The following COG5 variants were observed in gnomAD, a reference collection of about 807,000 sequenced individuals.
The protein encoded by COG5 is component of oligomeric golgi complex 5, also known as conserved oligomeric Golgi complex subunit 5.
A neutral mutation model predicts 110.4 loss-of-function variants in COG5; 86 were observed. The observed-to-expected ratio is 0.78, with a 90% CI of 0.65 to 0.93. The LOEUF (loss-of-function observed/expected upper bound fraction) is 0.93. Among genes scored for constraint, COG5 ranks in the 40% least tolerant of loss-of-function variants. COG5 has a pLI of 0.00. For synonymous variants in COG5, 360 were observed against 334.6 expected, an observed-to-expected ratio of 1.08 and a Z score of -0.83; for missense variants, 1,077 against 987.0, an observed-to-expected ratio of 1.09 and a Z score of -1.22.
At chr7:107,548,236 A>G in intron 4 of COG5, 42 bp downstream of exon 4, 1 of 1,603,432 alleles carries the variant, frequency 6.2e-7, no homozygotes, top group Non-Finnish European at 8.5e-7. Context: ...CAATGGATAA[A>G]AACATTCCCA....
At chr7:107,529,697 C>T (rs916767880) in intron 5 of COG5, among the ~76,000 whole-genome samples, 4 of 152,194 alleles carry the variant, frequency 2.6e-5, no homozygotes, top group Non-Finnish European at 5.9e-5. Context: ...TCAGTGCCCA[C>T]GTGGGACTCT....
rs1363706117 is a variant in COG5 at position 107,203,575 on chromosome 7, C to G, written c.2431G>C (p.Ala811Pro). 6.2e-7 allele frequency: 1 copy of G among 1,614,116 alleles called. No individual in the cohort carries two copies. Among genetic ancestry groups the G allele is most frequent in the South Asian group, 1.1e-5 (1 of 91,084 alleles). The change falls in exon 22 of 22, where the codon GCA becomes CCA. Residue 811 changes from alanine to proline, a missense_variant. Physicochemically the swap from Ala to Pro is conservative, Grantham distance 27. Transcript: ENST00000297135. ...SVRSREGKEF[A>P]PVYPIMVQLL... is the part of the protein sequence containing the mutation. ...TGAACCATTATGGGATAAACTGGTG[C>G]AAATTCTTTGCCTTCTCTACTTCTC...
At chr7:107,521,810 C>T (rs1395272922) in intron 6 of COG5, among the ~76,000 whole-genome samples, 1 of 152,212 alleles carries the variant, frequency 6.6e-6, no homozygotes, top group African/African-American at 2.4e-5. Flanking sequence ...ATAAATCATT[C>T]TACTGTAAAG....
intron 6 of COG5, chr7:107,475,110 G>A (rs779828103): frequency 6.2e-7 from 1 of 1,611,886 alleles, no homozygotes; most frequent in South Asian, 1.1e-5. Flanking sequence ...AATTAAGATT[G>A]TGTTTTTTAG....
At chr7:107,256,879 T>A in intron 15 of COG5, 85 bp from the exon 16 acceptor site, 1 of 905,498 alleles carries the variant, frequency 1.1e-6, no homozygotes, top group Non-Finnish European at 1.8e-6. Context: ...AATAAAGCTG[T>A]TTCCACAAAG....
At chr7:107,275,506 G>T (rs548783609) in intron 14 of COG5, among the ~76,000 whole-genome samples, 30 of 151,422 alleles carry the variant, frequency 2.0e-4, no homozygotes, top group African/African-American at 7.3e-4. Flanking sequence ...ATAATATATG[G>T]GGTGATAATC....
chr7:107,382,034 A>T (rs1815168327), intron 7 of COG5, among the ~76,000 whole-genome samples: 1 of 152,178 alleles, frequency 6.6e-6, no homozygotes, highest in African/African-American at 2.4e-5. Context: ...AAAAACTGGT[A>T]ATTTACCAAG....
At chr7:107,465,203 G>A (rs558276004) in intron 6 of COG5, among the ~76,000 whole-genome samples, 1 of 152,196 alleles carries the variant, frequency 6.6e-6, no homozygotes, top group East Asian at 1.9e-4. Context: ...GCAGACAATT[G>A]TCTATATAGA....
At chr7:107,256,976 A>G (rs1309363033) in intron 15 of COG5, among the ~76,000 whole-genome samples, 182 bp from the exon 16 acceptor site, 1 of 152,154 alleles carries the variant, frequency 6.6e-6, no homozygotes, top group East Asian at 1.9e-4. Context: ...TTGAAAAATA[A>G]TTTTGTGTAT....
chr7:107,296,517 T>C (rs911156118), intron 12 of COG5, among the ~76,000 whole-genome samples: 11 of 151,898 alleles, frequency 7.2e-5, no homozygotes, highest in African/African-American at 2.7e-4. Flanking sequence ...ATTGAGAAGA[T>C]AATCTGGTCT....
At chr7:107,477,701 T>C (rs1797075055) in intron 6 of COG5, among the ~76,000 whole-genome samples, 1 of 151,860 alleles carries the variant, frequency 6.6e-6, no homozygotes, top group Non-Finnish European at 1.5e-5. Context: ...GTATATAATA[T>C]GTAAACCAAA....
rs1007540681 is a variant in COG5 at position 107,503,944 on chromosome 7, T to C, written c.538+23293A>G. ...CAATCACATCATCAGTGAACAGTGA[T>C]AGTTTGACTTTCTTTTTCCAATTTG... On this transcript the variant is annotated intron_variant, in intron 6 of 21. Transcript: ENST00000297135. Among the ~76,000 whole-genome samples the C allele has an allele frequency of 1.6e-4, 19 of 115,750 alleles. 1 individual carries two copies. Among genetic ancestry groups the C allele is most frequent in the South Asian group, 2.3e-4 (1 of 4,344 alleles). 75.9% of individuals were successfully genotyped at this position (115,750 alleles called of 152,430 possible). A position where few individuals can be genotyped will look rare whatever the true frequency, so the allele number is the denominator to read the frequency against.
intron 10 of COG5, among the ~76,000 whole-genome samples, chr7:107,351,890 G>C (rs895708464): frequency 7.4e-5 from 11 of 149,580 alleles, no homozygotes; most frequent in African/African-American, 2.4e-4. Context: ...AACCATTGTG[G>C]AAGTCAGTGT....
At chr7:107,495,247 C>T (rs1234831273) in intron 6 of COG5, among the ~76,000 whole-genome samples, 1 of 152,086 alleles carries the variant, frequency 6.6e-6, no homozygotes, top group African/African-American at 2.4e-5. Context: ...GAGGTAAGGG[C>T]CATAATTTTA....
At chr7:107,361,805 CCA>C (rs1352547407) in intron 10 of COG5, among the ~76,000 whole-genome samples, 5 of 152,166 alleles carry the variant, frequency 3.3e-5, no homozygotes, top group African/African-American at 1.2e-4. Flanking sequence ...CATGATCCAC[CCA>C]CCTTGGCCTC....
chr7:107,494,641 A>C (rs1208959512), intron 6 of COG5, among the ~76,000 whole-genome samples: 2 of 152,228 alleles, frequency 1.3e-5, no homozygotes, highest in Non-Finnish European at 2.9e-5. Flanking sequence ...TGATGTTTAC[A>C]CAAAGATGAA....
chr7:107,260,308 A>T (rs1036050129), intron 14 of COG5, among the ~76,000 whole-genome samples: 1 of 152,130 alleles, frequency 6.6e-6, no homozygotes, highest in East Asian at 1.9e-4. Context: ...ATTCTATGTG[A>T]AAAAACCAAC....
chr7:107,477,090 T>A (rs115068582), intron 6 of COG5, among the ~76,000 whole-genome samples: 1,806 of 151,760 alleles, frequency 0.012, 30 homozygotes, highest in African/African-American at 0.041. Context: ...AGTAAGATAT[T>A]TTTTGAAACC....
At chr7:107,333,755 T>C (rs1314851599) in intron 10 of COG5, among the ~76,000 whole-genome samples, 1 of 152,130 alleles carries the variant, frequency 6.6e-6, no homozygotes, top group African/African-American at 2.4e-5. Flanking sequence ...ATAGAGATAA[T>C]CTAAATGTTA....
Sources: allele counts gnomAD v4.1 joint callset (sites outside exome capture counted in the v4.1 genomes callset), GRCh38; gene constraint gnomAD v4.1.1; transcripts MANE v1.5; gene names NCBI Gene and HGNC (gene_info 2026-07-23, HGNC 2026-07-21).